PID1: variants seen among roughly 807,000 people sequenced by gnomAD.
The protein encoded by PID1 is phosphotyrosine interaction domain containing 1.
A neutral mutation model predicts 19.1 loss-of-function variants in PID1; 10 were observed. The ratio of observed to expected loss-of-function variants is 0.52; its 90% confidence interval spans 0.32 to 0.89. The LOEUF (loss-of-function observed/expected upper bound fraction) is 0.89. Ranked by LOEUF, PID1 falls within the 40% of genes least tolerant of loss-of-function variation. The pLI, the probability that PID1 is intolerant of heterozygous loss-of-function variation, is 0.03. For synonymous variants in PID1, 130 were observed against 116.0 expected, an observed-to-expected ratio of 1.12 and a Z score of -0.78; for missense variants, 248 against 285.3, an observed-to-expected ratio of 0.87 and a Z score of 0.94.
intron 1 of PID1, among the ~76,000 whole-genome samples, chr2:229,249,485 T>C (rs1166798855): frequency 6.6e-6 from 1 of 152,220 alleles, no homozygotes; most frequent in East Asian, 1.9e-4. Context: ...TTCACTGAGC[T>C]TGTATGGTGT....
At position 229,254,165 on chromosome 2, in the gene PID1, C is replaced by G. The variant is rs529583699; in HGVS notation, c.30+16849G>C. On this transcript the variant is annotated intron_variant, in intron 1 of 2. Coordinates refer to ENST00000392055, the MANE Select transcript of PID1 (RefSeq NM_001100818.2). ...GCACATTCATTACGAACAACAACAA[C>G]AAAAAAACCTCCAAAATTGAATGGA... 2.0e-5 allele frequency among the ~76,000 whole-genome samples: 3 copies of G among 152,042 alleles called. No homozygotes were observed. In the South Asian group the frequency reaches 6.2e-4, roughly 32 times the overall value.
At chr2:229,045,358 G>A (rs937569960) in intron 2 of PID1, among the ~76,000 whole-genome samples, 1 of 152,232 alleles carries the variant, frequency 6.6e-6, no homozygotes, top group African/African-American at 2.4e-5. Context: ...TTAATAAAGT[G>A]AATGACTGAT....
chr2:229,229,312 AT>A (rs886413251), intron 1 of PID1, among the ~76,000 whole-genome samples: 2 of 152,220 alleles, frequency 1.3e-5, no homozygotes, highest in East Asian at 1.9e-4. Context: ...ATTGCAATGC[AT>A]TTTTTTGATG....
intron 2 of PID1, among the ~76,000 whole-genome samples, chr2:229,074,791 C>T (rs1047594955): frequency 6.6e-6 from 1 of 152,096 alleles, no homozygotes; most frequent in South Asian, 2.1e-4. Context: ...TTTAAATGAT[C>T]AACGGCCTAT....
At chr2:229,269,246 G>A (rs889323460) in intron 1 of PID1, among the ~76,000 whole-genome samples, 5 of 152,150 alleles carry the variant, frequency 3.3e-5, no homozygotes, top group African/African-American at 4.8e-5. Flanking sequence ...TAAAATAAAC[G>A]CATTGCAAAC....
At chr2:229,259,956 C>G (rs370911622) in intron 1 of PID1, among the ~76,000 whole-genome samples, 36 of 152,242 alleles carry the variant, frequency 2.4e-4, no homozygotes, top group Middle Eastern at 3.4e-3. Flanking sequence ...GCATCTTTAT[C>G]TTGGACTTAC....
At chr2:229,259,373 T>G (rs185556064) in intron 1 of PID1, among the ~76,000 whole-genome samples, 33 of 152,280 alleles carry the variant, frequency 2.2e-4, no homozygotes, top group Middle Eastern at 3.4e-3. Context: ...TTTGATAAAG[T>G]CCAATTTTTT....
chr2:229,269,098 G>A (rs1006554205), intron 1 of PID1, among the ~76,000 whole-genome samples: 5 of 152,140 alleles, frequency 3.3e-5, no homozygotes, highest in African/African-American at 9.7e-5. Flanking sequence ...GAGACTCATC[G>A]AAATTTGGGC....
intron 2 of PID1, among the ~76,000 whole-genome samples, chr2:229,046,880 C>T (rs1021727513): frequency 1.3e-5 from 2 of 152,188 alleles, no homozygotes; most frequent in African/African-American, 2.4e-5. Flanking sequence ...TTCTTGACTG[C>T]ACATGAACCT....
At chr2:229,170,445 T>C (rs894376396) in intron 1 of PID1, among the ~76,000 whole-genome samples, 4 of 152,192 alleles carry the variant, frequency 2.6e-5, no homozygotes, top group African/African-American at 9.6e-5. Flanking sequence ...AACTGGCACA[T>C]GCACGCATTT....
At chr2:229,129,413 C>CAAAAA (rs370442954) in intron 2 of PID1, among the ~76,000 whole-genome samples, 13 of 111,068 alleles carry the variant, frequency 1.2e-4, no homozygotes, top group Non-Finnish European at 1.7e-4. Flanking sequence ...GACTCCATCT[C>CAAAAA]AAAAAAAAAA....
At chr2:229,160,287 G>C (rs1411161287) in intron 1 of PID1, among the ~76,000 whole-genome samples, 1 of 152,196 alleles carries the variant, frequency 6.6e-6, no homozygotes, top group Non-Finnish European at 1.5e-5. Flanking sequence ...AGACTGAAAG[G>C]TGTGGACCAG....
Position 229,069,143 on chromosome 2 carries a change from T to G in PID1, c.178-43035A>C, listed in dbSNP as rs3083812. Among the ~76,000 whole-genome samples the G allele has an allele frequency of 4.4e-3, 619 of 140,678 alleles. 3 individuals carry two copies. The highest frequency in any genetic ancestry group is 0.011 in the African/African-American group (427 of 37,558). 92.3% of individuals were successfully genotyped at this position (140,678 alleles called of 152,430 possible). On this transcript the variant is annotated intron_variant, in intron 2 of 2. Transcript: ENST00000392055. ...TTCCTTTCTTTAACGAGAAGGGTTT[T>G]TGTGTGTGTGTGTGTGTGTGTGTGT... is the stretch of plus-strand genomic sequence containing the variant.
intron 1 of PID1, among the ~76,000 whole-genome samples, chr2:229,173,663 G>A (rs1366841220): frequency 1.3e-5 from 2 of 152,116 alleles, no homozygotes; most frequent in Non-Finnish European, 2.9e-5. Flanking sequence ...AAAATAAAAG[G>A]CCAGTCATCA....
intron 2 of PID1, among the ~76,000 whole-genome samples, chr2:229,034,376 G>A (rs1693617341): frequency 6.6e-6 from 1 of 152,176 alleles, no homozygotes; most frequent in Non-Finnish European, 1.5e-5. Context: ...CATAAGGTAT[G>A]TACTAGCTGT....
chr2:229,169,529 A>G (rs1295493365), intron 1 of PID1, among the ~76,000 whole-genome samples: 1 of 152,234 alleles, frequency 6.6e-6, no homozygotes, highest in Non-Finnish European at 1.5e-5. Flanking sequence ...GTTAAAAATT[A>G]ATACATTGAG....
chr2:229,223,437 T>C (rs1417114465), intron 1 of PID1, among the ~76,000 whole-genome samples: 1 of 152,270 alleles, frequency 6.6e-6, no homozygotes, highest in East Asian at 1.9e-4. Context: ...TTACAAAGTT[T>C]AACCCTTTGA....
intron 1 of PID1, among the ~76,000 whole-genome samples, chr2:229,157,430 C>CAA (rs144446508): frequency 7.5e-4 from 94 of 125,114 alleles, no homozygotes; most frequent in Middle Eastern, 4.1e-3. Flanking sequence ...GATTCCATCT[C>CAA]AAAAAAAAAA....
At position 229,240,481 on chromosome 2, in the gene PID1, T is replaced by C. The variant is rs967171094; in HGVS notation, c.30+30533A>G. Among the ~76,000 whole-genome samples the C allele has an allele frequency of 2.6e-5, 4 of 152,178 alleles. No homozygotes were observed. In the South Asian group the frequency reaches 6.2e-4, roughly 24 times the overall value. ...GTCCATGGTGTATCTCTCCTGGATA[T>C]AGAGTTCTGGGTTGACAGATTGCTC... On this transcript the variant is annotated intron_variant, in intron 1 of 2. Coordinates refer to ENST00000392055, the MANE Select transcript of PID1 (RefSeq NM_001100818.2).
Sources: allele counts gnomAD v4.1 joint callset (sites outside exome capture counted in the v4.1 genomes callset), GRCh38; gene constraint gnomAD v4.1.1; transcripts MANE v1.5; gene names NCBI Gene and HGNC (gene_info 2026-07-23, HGNC 2026-07-21).